The following TBC1D32 variants were observed in gnomAD, a reference collection of about 807,000 sequenced individuals.
TBC1D32 encodes protein broad-minded.
In TBC1D32, 151 loss-of-function variants were observed where a neutral mutation model predicts 170.3. That is an observed-to-expected ratio of 0.89 (90% CI 0.78 to 1.01). The LOEUF is 1.01. Among genes scored for constraint, TBC1D32 ranks in the 50% least tolerant of loss-of-function variants. The pLI is 0.00. For missense variants in TBC1D32, 1,464 were observed against 1,457.1 expected, an observed-to-expected ratio of 1.00 and a Z score of -0.08; for synonymous variants, 498 against 488.0, an observed-to-expected ratio of 1.02 and a Z score of -0.27.
upstream of TBC1D32, chr6:121,334,694 G>T (rs1193674505): frequency 5.2e-5 from 26 of 501,648 alleles, no homozygotes; most frequent in South Asian, 5.8e-4. Flanking sequence ...CAGACCTCAG[G>T]CTCTCCCGAC....
At chr6:121,144,527 G>A (rs994655020) in intron 24 of TBC1D32, among the ~76,000 whole-genome samples, 1 of 152,074 alleles carries the variant, frequency 6.6e-6, no homozygotes, top group Non-Finnish European at 1.5e-5. Flanking sequence ...ATTATCTGGA[G>A]AACTGGGAGC....
At chr6:121,085,016 T>C (rs1328585912) in intron 31 of TBC1D32, among the ~76,000 whole-genome samples, 1 of 151,684 alleles carries the variant, frequency 6.6e-6, no homozygotes, top group Non-Finnish European at 1.5e-5. Context: ...AATAACACTA[T>C]GAGACATATA....
At chr6:121,159,846 A>C (rs1435166969) in intron 24 of TBC1D32, among the ~76,000 whole-genome samples, 164 bp downstream of exon 24, 1 of 152,210 alleles carries the variant, frequency 6.6e-6, no homozygotes, top group Non-Finnish European at 1.5e-5. Flanking sequence ...GACTGTACCA[A>C]GTTAGTAAGA....
intron 17 of TBC1D32, among the ~76,000 whole-genome samples, chr6:121,248,399 C>T (rs2128378329): frequency 1.3e-5 from 2 of 151,752 alleles, no homozygotes; most frequent in South Asian, 4.2e-4. Context: ...AATGTCACAC[C>T]TCAAGGAATT....
chr6:121,161,952 CAT>C (rs1321538621), intron 22 of TBC1D32, among the ~76,000 whole-genome samples: 1 of 152,054 alleles, frequency 6.6e-6, no homozygotes, highest in Non-Finnish European at 1.5e-5. Context: ...AACTTTTTTT[CAT>C]ATGTTTGTTG....
In TBC1D32 at chr6:121,279,220, G is replaced by C; in HGVS notation, c.1634C>G (p.Ala545Gly). The change falls in exon 15 of 32, where the codon GCT (alanine) becomes GGT (glycine). Residue 545 changes from alanine (A) to glycine (G), a missense_variant. By Grantham distance (60) the Ala-to-Gly change is moderately conservative (BLOSUM62 0). Transcript: ENST00000398212. ...NEASPNCSET[A>G]LIHIAGILAR... ...CAAAATACCAGCTATATGAATTAAAGCTGTCTCAGAGCAATTTGGAGATGC... is the reference window on the plus strand; with the variant it reads ...CAAAATACCAGCTATATGAATTAAACCTGTCTCAGAGCAATTTGGAGATGC... The C allele has an allele frequency of 6.2e-7, 1 of 1,609,386 alleles. No homozygotes were observed. Among genetic ancestry groups the C allele is most frequent in the Non-Finnish European group, 8.5e-7 (1 of 1,178,358 alleles).
At chr6:121,237,903 T>A (rs1796513687) in intron 20 of TBC1D32, among the ~76,000 whole-genome samples, 1 of 152,116 alleles carries the variant, frequency 6.6e-6, no homozygotes, top group Admixed American at 6.6e-5. Context: ...TTGGATTGTA[T>A]CCCATACATT....
At chr6:121,213,694 A>G (rs1793442908) in intron 21 of TBC1D32, among the ~76,000 whole-genome samples, 1 of 152,172 alleles carries the variant, frequency 6.6e-6, no homozygotes, top group Admixed American at 6.5e-5. Flanking sequence ...GATAGAATCA[A>G]TATCATTACG....
At chr6:121,306,373 A>G (rs1807322750) in intron 5 of TBC1D32, among the ~76,000 whole-genome samples, 1 of 152,154 alleles carries the variant, frequency 6.6e-6, no homozygotes, top group African/African-American at 2.4e-5. Context: ...CTATTTATTT[A>G]TCGTCTGTGT....
chr6:121,287,648 C>T (rs560721032), intron 12 of TBC1D32, among the ~76,000 whole-genome samples: 38 of 152,130 alleles, frequency 2.5e-4, no homozygotes, highest in Non-Finnish European at 4.4e-4. Flanking sequence ...CTGCACCAAG[C>T]AGACCTAATA....
chr6:121,263,891 A>C lies in TBC1D32; in HGVS notation c.1734-7606T>G, dbSNP rs563911794. Reference sequence around the variant, plus strand: ...ATCAAGAATTTCTTTGAAGCCAATGAAAACAAAAAGACAATGTACCAAAAT... The same window carrying C: ...ATCAAGAATTTCTTTGAAGCCAATGCAAACAAAAAGACAATGTACCAAAAT... On this transcript the variant is annotated intron_variant, in intron 15 of 31. Coordinates refer to ENST00000398212, the MANE Select transcript of TBC1D32 (RefSeq NM_152730.6). Among the ~76,000 whole-genome samples, 4 of 152,348 alleles carry C rather than the reference A, an allele frequency of 2.6e-5. No homozygotes were observed. In the South Asian group the frequency reaches 8.3e-4, roughly 32 times the overall value.
chr6:121,090,328 C>T (rs1776674627), intron 31 of TBC1D32, among the ~76,000 whole-genome samples: 1 of 152,140 alleles, frequency 6.6e-6, no homozygotes, highest in African/African-American at 2.4e-5. Flanking sequence ...CTAAAGTCCC[C>T]AACTTCCAAA....
intron 19 of TBC1D32, among the ~76,000 whole-genome samples, chr6:121,240,679 A>G (rs1397203653): frequency 6.6e-6 from 1 of 151,646 alleles, no homozygotes; most frequent in Non-Finnish European, 1.5e-5. Flanking sequence ...ACCTGAGGTC[A>G]GAGTTCAAGA....
intron 17 of TBC1D32, among the ~76,000 whole-genome samples, chr6:121,250,213 G>A (rs987079064): frequency 6.6e-6 from 1 of 151,776 alleles, no homozygotes; most frequent in Admixed American, 6.6e-5. Context: ...AGAAATAGAG[G>A]GACTCTTCCC....
intron 22 of TBC1D32, among the ~76,000 whole-genome samples, chr6:121,181,257 A>G (rs1190184741): frequency 1.3e-5 from 2 of 152,076 alleles, no homozygotes; most frequent in Non-Finnish European, 2.9e-5. Context: ...ATCTCATGTC[A>G]AATTGTAATC....
intron 15 of TBC1D32, among the ~76,000 whole-genome samples, chr6:121,271,837 T>G (rs1021747547): frequency 1.3e-5 from 2 of 151,972 alleles, no homozygotes; most frequent in African/African-American, 4.8e-5. Context: ...GGAGGCACCA[T>G]GCCACCTGAC....
intron 22 of TBC1D32, among the ~76,000 whole-genome samples, chr6:121,182,133 C>T (rs548461959): frequency 1.3e-5 from 2 of 151,984 alleles, no homozygotes; most frequent in South Asian, 4.2e-4. Flanking sequence ...AAGTAAACAT[C>T]ATAAAAGTCA....
chr6:121,146,841 G>A (rs545853295), intron 24 of TBC1D32, among the ~76,000 whole-genome samples: 2 of 152,146 alleles, frequency 1.3e-5, no homozygotes, highest in Admixed American at 6.5e-5. Flanking sequence ...TTTAGATTCA[G>A]GGGAAATATG....
At chr6:121,105,485 A>G (rs1778584927) in intron 30 of TBC1D32, among the ~76,000 whole-genome samples, 1 of 151,990 alleles carries the variant, frequency 6.6e-6, no homozygotes, top group Non-Finnish European at 1.5e-5. Flanking sequence ...ATAGTGAAGC[A>G]ACAATGCACA....
Sources: allele counts gnomAD v4.1 joint callset (sites outside exome capture counted in the v4.1 genomes callset), GRCh38; gene constraint gnomAD v4.1.1; transcripts MANE v1.5; gene names NCBI Gene and HGNC (gene_info 2026-07-23, HGNC 2026-07-21).